Variants in DIAPH2 observed in about 807,000 individuals in gnomAD.
DIAPH2 encodes the protein protein diaphanous homolog 2.
In DIAPH2, 35 loss-of-function variants were observed where a neutral mutation model predicts 92.7. The ratio of observed to expected loss-of-function variants is 0.38; its 90% CI spans 0.29 to 0.50. DIAPH2 has a LOEUF of 0.50. Among genes scored for constraint, DIAPH2 ranks in the 20% least tolerant of loss-of-function variants. The pLI is 0.94. For synonymous variants in DIAPH2, 301 were observed against 280.4 expected (o/e 1.07, Z -0.73); for missense variants, 701 against 819.5 (o/e 0.86, Z 1.77).
chrX:97,123,688 C>T (rs2067072456), intron 21 of DIAPH2, among the ~76,000 whole-genome samples: 1 of 112,284 alleles, frequency 8.9e-6, no homozygotes, highest in Admixed American at 9.4e-5. Flanking sequence ...CCTTCATTGC[C>T]ATTTAAAATC....
chrX:97,602,224 A>C lies in DIAPH2; in HGVS notation c.*2907A>C, dbSNP rs2071600577. 1 of 112,496 alleles carries C rather than the reference A, an allele frequency of 8.9e-6. No homozygotes were observed. The highest frequency in any genetic ancestry group is 3.2e-5 in the African/African-American group (1 of 30,954). The allele number at this position is 112,496 out of a possible 1,213,427, so 9.3% of individuals were successfully genotyped here. A position where few individuals can be genotyped will look rare whatever the true frequency, so the allele number is the denominator to read the frequency against. ...TTTATGTCTGTCTCATGTGTAAAAG[A>C]CATTCATCCCATCCTAACATTACCA... On this transcript the variant is annotated 3_prime_UTR_variant, in exon 27 of 27. Coordinates refer to ENST00000324765, the MANE Select transcript of DIAPH2 (RefSeq NM_006729.5).
At chrX:96,728,701 A>T (rs1285621824) in intron 1 of DIAPH2, among the ~76,000 whole-genome samples, 2 of 112,657 alleles carry the variant, frequency 1.8e-5, no homozygotes, top group African/African-American at 6.4e-5. Flanking sequence ...TGGCTAAATC[A>T]TTGATCTAAG....
intron 15 of DIAPH2, among the ~76,000 whole-genome samples, chrX:96,951,148 A>G (rs1232579684): frequency 9.1e-6 from 1 of 110,384 alleles, no homozygotes; most frequent in African/African-American, 3.3e-5. Context: ...AGCACCCTTT[A>G]TCTCAGAGCA....
At chrX:97,278,809 C>T (rs966846677) in intron 23 of DIAPH2, among the ~76,000 whole-genome samples, 1 of 112,291 alleles carries the variant, frequency 8.9e-6, no homozygotes, top group Non-Finnish European at 1.9e-5. Flanking sequence ...ATAAGAATCA[C>T]AGACACTGAG....
At chrX:97,077,486 T>TA (rs1159003172) in intron 19 of DIAPH2, among the ~76,000 whole-genome samples, 1 of 112,296 alleles carries the variant, frequency 8.9e-6, no homozygotes, top group Non-Finnish European at 1.9e-5. Context: ...CATGCATAAT[T>TA]ATTGTTTTTT....
At chrX:97,500,001 G>A (rs1569412571) in intron 26 of DIAPH2, among the ~76,000 whole-genome samples, 1 of 112,267 alleles carries the variant, frequency 8.9e-6, no homozygotes, top group Non-Finnish European at 1.9e-5. Context: ...TGTTAGATAT[G>A]CGATATGGGC....
At chrX:97,003,864 C>T (rs954073489) in intron 17 of DIAPH2, among the ~76,000 whole-genome samples, 1 of 111,706 alleles carries the variant, frequency 9.0e-6, no homozygotes. Context: ...GGATATTACT[C>T]AAGAAATCTT....
At chrX:96,942,693 C>G (rs1472129982) in intron 13 of DIAPH2, among the ~76,000 whole-genome samples, 1 of 111,055 alleles carries the variant, frequency 9.0e-6, no homozygotes, top group African/African-American at 3.3e-5. Flanking sequence ...GAGGAAATGA[C>G]TTTATATCAT....
intron 23 of DIAPH2, among the ~76,000 whole-genome samples, chrX:97,261,811 GGT>G (rs1440378737): frequency 9.0e-6 from 1 of 111,443 alleles, no homozygotes; most frequent in East Asian, 2.8e-4. Context: ...GATTGTATTA[GGT>G]GATCTTGAGC....
chrX:96,743,954 C>A (rs1268883379), intron 3 of DIAPH2, among the ~76,000 whole-genome samples: 1 of 109,529 alleles, frequency 9.1e-6, no homozygotes, highest in East Asian at 2.8e-4. Context: ...TAAATGCATA[C>A]AATTTTATCT....
At chrX:97,381,915 T>C (rs929033594) in intron 24 of DIAPH2, among the ~76,000 whole-genome samples, 1 of 111,753 alleles carries the variant, frequency 8.9e-6, no homozygotes, top group East Asian at 2.8e-4. Context: ...CCGTTTTTTT[T>C]CCCTCCATCT....
At chrX:97,489,568 G>A (rs1265525183) in intron 26 of DIAPH2, among the ~76,000 whole-genome samples, 1 of 110,524 alleles carries the variant, frequency 9.0e-6, no homozygotes, top group African/African-American at 3.3e-5. Context: ...ATTAGCAGTG[G>A]GCTTTTCATA....
At chrX:96,710,102 A>G (rs765963129) in intron 1 of DIAPH2, among the ~76,000 whole-genome samples, 1 of 111,378 alleles carries the variant, frequency 9.0e-6, no homozygotes, top group Non-Finnish European at 1.9e-5. Context: ...GAGGAATTCT[A>G]TATATTTGTA....
chrX:97,087,876 A>AT (rs749722715), intron 19 of DIAPH2, among the ~76,000 whole-genome samples: 1 of 110,245 alleles, frequency 9.1e-6, no homozygotes, highest in South Asian at 3.8e-4. Context: ...ATCTCCTGGA[A>AT]TTTTTTTCAT....
At chrX:96,939,488 G>GTGTA (rs1413144388) in intron 12 of DIAPH2, 106 bp downstream of exon 12, 60 of 108,833 alleles carry the variant, frequency 5.5e-4, no homozygotes, top group African/African-American at 3.0e-3. Flanking sequence ...GTGTGTGTAT[G>GTGTA]TATATATATA....
intron 17 of DIAPH2, among the ~76,000 whole-genome samples, chrX:97,054,111 T>C (rs2066539150): frequency 8.9e-6 from 1 of 112,205 alleles, no homozygotes; most frequent in Non-Finnish European, 1.9e-5. Flanking sequence ...TTTTTAAGTG[T>C]AATATGCACC....
intron 10 of DIAPH2, among the ~76,000 whole-genome samples, chrX:96,932,398 C>A (rs2065625095): frequency 9.0e-6 from 1 of 110,980 alleles, no homozygotes; most frequent in African/African-American, 3.3e-5. Flanking sequence ...TTTTAGTCCT[C>A]ATTTTTCAGA....
chrX:97,232,927 T>C (rs1569336439), intron 22 of DIAPH2, among the ~76,000 whole-genome samples: 4 of 112,529 alleles, frequency 3.6e-5, no homozygotes, highest in Middle Eastern at 4.7e-3. Context: ...AAAAATATTC[T>C]TTTCATTTAC....
At chrX:97,045,848 A>AC (rs1239959717) in intron 17 of DIAPH2, among the ~76,000 whole-genome samples, 3 of 64,445 alleles carry the variant, frequency 4.7e-5, no homozygotes, top group Admixed American at 1.8e-4. Flanking sequence ...GTATTTTAGG[A>AC]TTTTTTTTTT....
Sources: allele counts gnomAD v4.1 joint callset (sites outside exome capture counted in the v4.1 genomes callset), GRCh38; gene constraint gnomAD v4.1.1; transcripts MANE v1.5; gene names NCBI Gene and HGNC (gene_info 2026-07-23, HGNC 2026-07-21).